The following RTN1 variants were observed in gnomAD, a reference collection of about 807,000 sequenced individuals.
The protein encoded by RTN1 is reticulon 1.
In RTN1, 25 loss-of-function variants were observed where a neutral mutation model predicts 65.5. That is an observed-to-expected ratio of 0.38 (90% CI 0.28 to 0.53). The LOEUF (loss-of-function observed/expected upper bound fraction) is 0.53. RTN1 is among the 20% of genes least tolerant of loss of function. The probability of loss-of-function intolerance (pLI) is 0.79; values close to 1 mark genes in which losing one functional copy is unlikely to be tolerated. For missense variants in RTN1, 983 were observed against 1,025.4 expected (o/e 0.96, Z 0.57); for synonymous variants, 471 against 447.6 (o/e 1.05, Z -0.66).
chr14:59,637,237 A>G (rs953875457), intron 3 of RTN1, among the ~76,000 whole-genome samples: 9 of 152,248 alleles, frequency 5.9e-5, no homozygotes, highest in Non-Finnish European at 1.2e-4. Context: ...TTCCATCTCA[A>G]GAAACCACTT....
intron 3 of RTN1, among the ~76,000 whole-genome samples, chr14:59,697,542 A>G (rs892944966): frequency 5.9e-5 from 9 of 152,220 alleles, no homozygotes; most frequent in African/African-American, 1.9e-4. Flanking sequence ...ATAATGCAAC[A>G]GGGATAGTAA....
intron 1 of RTN1, among the ~76,000 whole-genome samples, chr14:59,762,979 T>C (rs10135659): frequency 0.37 from 56,762 of 152,094 alleles, 10,743 homozygotes; most frequent in Admixed American, 0.45. Context: ...CTTTTGTGTT[T>C]TGAGCACTCC....
At chr14:59,763,531 C>CTT (rs567181046) in intron 1 of RTN1, among the ~76,000 whole-genome samples, 39 of 127,372 alleles carry the variant, frequency 3.1e-4, no homozygotes, top group South Asian at 7.3e-4. Context: ...AATTTTCTTT[C>CTT]TTTTTTTTTT....
At chr14:59,764,690 G>C (rs1249922444) in intron 1 of RTN1, among the ~76,000 whole-genome samples, 5 of 152,060 alleles carry the variant, frequency 3.3e-5, no homozygotes, top group African/African-American at 9.7e-5. Flanking sequence ...AAGTTTAAGA[G>C]AAAAATTCCC....
chr14:59,824,070 C>G (rs1886989479), intron 1 of RTN1, among the ~76,000 whole-genome samples: 1 of 152,168 alleles, frequency 6.6e-6, no homozygotes, highest in African/African-American at 2.4e-5. Flanking sequence ...CAAACATACC[C>G]ACCTCTGCAG....
intron 3 of RTN1, among the ~76,000 whole-genome samples, chr14:59,659,337 C>T (rs1883193044): frequency 6.6e-6 from 1 of 152,112 alleles, no homozygotes. Context: ...TCCAGGAGAT[C>T]TTCCTCAACC....
chr14:59,646,061 A>G (rs1230121859), intron 3 of RTN1, among the ~76,000 whole-genome samples: 1 of 152,218 alleles, frequency 6.6e-6, no homozygotes, highest in African/African-American at 2.4e-5. Flanking sequence ...GAGAAAACTA[A>G]CAATCAAAAT....
At chr14:59,733,079 CT>C (rs5809048) in intron 2 of RTN1, among the ~76,000 whole-genome samples, 2,946 of 145,768 alleles carry the variant, frequency 0.02, 32 homozygotes, top group Non-Finnish European at 0.023. Flanking sequence ...GGTCAGACTG[CT>C]TTTTTTTTTT....
intron 3 of RTN1, among the ~76,000 whole-genome samples, chr14:59,689,713 T>G (rs925834368): frequency 4.6e-5 from 7 of 152,088 alleles, no homozygotes; most frequent in Non-Finnish European, 7.3e-5. Context: ...AAACTAAGCT[T>G]CATAAGTGAA....
intron 3 of RTN1, among the ~76,000 whole-genome samples, chr14:59,662,115 T>C (rs1566676498): frequency 6.6e-6 from 1 of 151,936 alleles, no homozygotes; most frequent in East Asian, 1.9e-4. Flanking sequence ...CTTTTTATTT[T>C]ATTTTTTTAT....
intron 1 of RTN1, among the ~76,000 whole-genome samples, chr14:59,814,684 T>G (rs752891310): frequency 6.6e-6 from 1 of 152,244 alleles, no homozygotes; most frequent in Non-Finnish European, 1.5e-5. Flanking sequence ...TTAAAAATGC[T>G]GAAAGTTAAT....
At chr14:59,633,721 G>C (rs1882604068) in intron 3 of RTN1, among the ~76,000 whole-genome samples, 1 of 152,232 alleles carries the variant, frequency 6.6e-6, no homozygotes, top group Non-Finnish European at 1.5e-5. Context: ...TGGTTAAGGT[G>C]CTTGCCAGGA....
At chr14:59,743,003 TG>T (rs1467069387) in intron 2 of RTN1, among the ~76,000 whole-genome samples, 2 of 152,210 alleles carry the variant, frequency 1.3e-5, no homozygotes, top group East Asian at 3.8e-4. Context: ...TATTTTGATG[TG>T]GGATGTATAT....
chr14:59,722,185 C>T (rs892773840), intron 3 of RTN1, among the ~76,000 whole-genome samples: 1 of 152,130 alleles, frequency 6.6e-6, no homozygotes, highest in African/African-American at 2.4e-5. Flanking sequence ...GACATCACTT[C>T]ATTTGCTCAG....
chr14:59,661,259 C>CAAAAAAAAAA (rs768483248), intron 3 of RTN1, among the ~76,000 whole-genome samples: 5 of 83,386 alleles, frequency 6.0e-5, no homozygotes, highest in Non-Finnish European at 1.1e-4. Flanking sequence ...GCCTACCAAC[C>CAAAAAAAAAA]AAAAAAAAAA....
At chr14:59,782,734 C>T (rs1886179390) in intron 1 of RTN1, among the ~76,000 whole-genome samples, 2 of 152,018 alleles carry the variant, frequency 1.3e-5, no homozygotes, top group African/African-American at 2.4e-5. Context: ...TTATAGCTGC[C>T]CTATTGCTGC....
At chr14:59,711,023 C>G (rs749153130) in intron 3 of RTN1, among the ~76,000 whole-genome samples, 10 of 152,132 alleles carry the variant, frequency 6.6e-5, no homozygotes, top group African/African-American at 9.7e-5. Context: ...GACTCAGGTT[C>G]AAACCCAAAT....
At chr14:59,802,430 G>A (rs1414880404) in intron 1 of RTN1, among the ~76,000 whole-genome samples, 1 of 152,130 alleles carries the variant, frequency 6.6e-6, no homozygotes, top group African/African-American at 2.4e-5. Flanking sequence ...AAACAGTGGG[G>A]GGATGTGATT....
chr14:59,740,083 T>C (rs531723872), intron 2 of RTN1, among the ~76,000 whole-genome samples: 20 of 152,296 alleles, frequency 1.3e-4, no homozygotes, highest in African/African-American at 4.3e-4. Flanking sequence ...TGTGATGATT[T>C]AATTAATCTT....
Sources: allele counts gnomAD v4.1 joint callset (sites outside exome capture counted in the v4.1 genomes callset), GRCh38; gene constraint gnomAD v4.1.1; transcripts MANE v1.5; gene names NCBI Gene and HGNC (gene_info 2026-07-23, HGNC 2026-07-21).